PRR16: variants seen among roughly 807,000 people sequenced by gnomAD.
PRR16 encodes protein Largen.
PRR16 carries 6 observed loss-of-function variants against 18.2 expected under a neutral mutation model. The observed-to-expected ratio is 0.33, with a 90% CI of 0.18 to 0.65. PRR16 has a LOEUF of 0.65. PRR16 is among the 30% of genes least tolerant of loss of function. The pLI is 0.74. For synonymous variants in PRR16, 151 were observed against 147.8 expected, an observed-to-expected ratio of 1.02 and a Z score of -0.16; for missense variants, 412 against 376.6, an observed-to-expected ratio of 1.09 and a Z score of -0.78.
chr5:120,773,242 A>G, the PRR16 span, among the ~76,000 whole-genome samples: 1 of 152,276 alleles, frequency 6.6e-6, no homozygotes, highest in African/African-American at 2.4e-5. Context: ...CAGTGACTTG[A>G]AAACAATAAG....
chr5:120,752,941 CTT>C, the PRR16 span, among the ~76,000 whole-genome samples: 1 of 150,240 alleles, frequency 6.7e-6, no homozygotes, highest in East Asian at 2.0e-4. Context: ...TTTTTCATCT[CTT>C]TCATTAAAAA....
chr5:120,483,228 T>A (rs187750776), intron 1 of PRR16, among the ~76,000 whole-genome samples: 1 of 152,258 alleles, frequency 6.6e-6, no homozygotes, highest in Admixed American at 6.6e-5. Context: ...CCCACACCTA[T>A]GTGTTTTAGT....
the PRR16 span, among the ~76,000 whole-genome samples, chr5:120,702,627 C>T: frequency 6.6e-6 from 1 of 152,120 alleles, no homozygotes; most frequent in Non-Finnish European, 1.5e-5. Context: ...CAAGGGAAGG[C>T]TGCCTTCCCA....
intron 1 of PRR16, among the ~76,000 whole-genome samples, chr5:120,480,006 C>T (rs143331675): frequency 7.2e-4 from 109 of 152,238 alleles, no homozygotes; most frequent in African/African-American, 2.5e-3. Flanking sequence ...AAATAAAATT[C>T]AAAACTAGAC....
intron 1 of PRR16, among the ~76,000 whole-genome samples, chr5:120,564,002 G>C (rs1752656583): frequency 6.6e-6 from 1 of 152,082 alleles, no homozygotes; most frequent in South Asian, 2.1e-4. Flanking sequence ...TCTCTTCAGG[G>C]CAGTGAGTCC....
intron 1 of PRR16, among the ~76,000 whole-genome samples, chr5:120,520,259 G>T (rs1751129392): frequency 6.6e-6 from 1 of 152,082 alleles, no homozygotes; most frequent in South Asian, 2.1e-4. Context: ...GCCAGGCATG[G>T]TGGCAGGCGC....
the PRR16 span, among the ~76,000 whole-genome samples, chr5:120,696,988 G>T: frequency 1.3e-5 from 2 of 150,006 alleles, no homozygotes; most frequent in African/African-American, 4.9e-5. Flanking sequence ...AAAATAAAAA[G>T]TTAGGCCCTT....
chr5:120,674,648 T>A (rs773769444), intron 1 of PRR16, among the ~76,000 whole-genome samples: 1 of 152,090 alleles, frequency 6.6e-6, no homozygotes, highest in Non-Finnish European at 1.5e-5. Context: ...CCCTTTACAT[T>A]TGAAGCTGCA....
At chr5:120,771,762 C>A in the PRR16 span, among the ~76,000 whole-genome samples, 3 of 151,956 alleles carry the variant, frequency 2.0e-5, no homozygotes, top group Non-Finnish European at 4.4e-5. Flanking sequence ...ATGCTGAAAT[C>A]CTATGTCCAA....
chr5:120,673,057 T>G (rs1228529060), intron 1 of PRR16, among the ~76,000 whole-genome samples: 1 of 152,208 alleles, frequency 6.6e-6, no homozygotes, highest in African/African-American at 2.4e-5. Flanking sequence ...TTAAAGTTAG[T>G]AATGACATTT....
At chr5:120,759,992 G>T in the PRR16 span, among the ~76,000 whole-genome samples, 1 of 152,104 alleles carries the variant, frequency 6.6e-6, no homozygotes, top group African/African-American at 2.4e-5. Context: ...TGTGTAAAAG[G>T]TGCTAATCTA....
At chr5:120,512,891 T>A in intron 1 of PRR16, among the ~76,000 whole-genome samples, 1 of 152,156 alleles carries the variant, frequency 6.6e-6, no homozygotes, top group East Asian at 1.9e-4. Flanking sequence ...AGGACTCACA[T>A]ACTATATAGA....
At chr5:120,791,701 C>A in the PRR16 span, among the ~76,000 whole-genome samples, 1 of 151,438 alleles carries the variant, frequency 6.6e-6, no homozygotes, top group Non-Finnish European at 1.5e-5. Context: ...CATACTGGAG[C>A]AAAAATGGAA....
At chr5:120,494,848 T>C (rs981321689) in intron 1 of PRR16, among the ~76,000 whole-genome samples, 3 of 152,118 alleles carry the variant, frequency 2.0e-5, no homozygotes, top group Admixed American at 6.6e-5. Context: ...AAAAACTAGC[T>C]TTCTTCCATT....
intron 1 of PRR16, among the ~76,000 whole-genome samples, chr5:120,598,614 G>A (rs750828354): frequency 4.0e-5 from 6 of 151,592 alleles, no homozygotes; most frequent in Admixed American, 3.3e-4. Flanking sequence ...GATACCTGTC[G>A]TTCCCATTTT....
chr5:120,484,624 A>T (rs1415850130), intron 1 of PRR16, among the ~76,000 whole-genome samples: 1 of 146,346 alleles, frequency 6.8e-6, no homozygotes, highest in African/African-American at 2.5e-5. Context: ...TATATTGTAT[A>T]TACACTTATA....
chr5:120,632,064 T>C (rs1396752528), intron 1 of PRR16, among the ~76,000 whole-genome samples: 1 of 152,172 alleles, frequency 6.6e-6, no homozygotes, highest in African/African-American at 2.4e-5. Flanking sequence ...CACAGGACTC[T>C]GTGCAGATAC....
chr5:120,605,485 C>G (rs1217268213), intron 1 of PRR16, among the ~76,000 whole-genome samples: 2 of 152,040 alleles, frequency 1.3e-5, no homozygotes, highest in Non-Finnish European at 2.9e-5. Context: ...GTTGAGCTTC[C>G]TTGACATCTA....
chr5:120,638,102 G>A (rs1168397040), intron 1 of PRR16, among the ~76,000 whole-genome samples: 2 of 152,048 alleles, frequency 1.3e-5, no homozygotes, highest in Admixed American at 6.6e-5. Context: ...TAGCCTGGAG[G>A]TAATGCTATA....
Sources: allele counts gnomAD v4.1 joint callset (sites outside exome capture counted in the v4.1 genomes callset), GRCh38; gene constraint gnomAD v4.1.1; transcripts MANE v1.5; gene names NCBI Gene and HGNC (gene_info 2026-07-23, HGNC 2026-07-21).